The following PRKG1 variants were observed in gnomAD, a reference collection of about 807,000 sequenced individuals.
PRKG1 encodes cGMP-dependent protein kinase 1.
In PRKG1, 35 loss-of-function variants were observed where a neutral mutation model predicts 88.1. That is an observed-to-expected ratio of 0.40 (90% CI 0.30 to 0.53). The LOEUF is 0.53. PRKG1 is among the 20% of genes least tolerant of loss of function. The pLI is 0.59. For missense variants in PRKG1, 540 were observed against 839.8 expected (o/e 0.64, Z 4.41); for synonymous variants, 303 against 292.5 (o/e 1.04, Z -0.37).
At chr10:51,348,092 A>G (rs1842156448) in intron 2 of PRKG1, among the ~76,000 whole-genome samples, 1 of 152,076 alleles carries the variant, frequency 6.6e-6, no homozygotes, top group Non-Finnish European at 1.5e-5. Flanking sequence ...ACAAATGGCA[A>G]CAAAGTTTGG....
At chr10:51,797,325 T>TAA (rs1417859988) in intron 3 of PRKG1, among the ~76,000 whole-genome samples, 3 of 147,462 alleles carry the variant, frequency 2.0e-5, no homozygotes, top group East Asian at 2.0e-4. Context: ...CTTATATATA[T>TAA]AATGGTTAGG....
chr10:51,039,707 T>C (rs1391186977), intron 1 of PRKG1, among the ~76,000 whole-genome samples: 1 of 152,202 alleles, frequency 6.6e-6, no homozygotes, highest in East Asian at 1.9e-4. Context: ...CAATGTTTCT[T>C]TAGTAGTCAC....
At chr10:52,097,168 G>C (rs143958845) in intron 7 of PRKG1, among the ~76,000 whole-genome samples, 1 of 152,100 alleles carries the variant, frequency 6.6e-6, no homozygotes, top group East Asian at 1.9e-4. Context: ...TAGATCCAGG[G>C]GTCCCTCCCA....
At chr10:51,024,627 T>C (rs187038320) in intron 1 of PRKG1, among the ~76,000 whole-genome samples, 2 of 152,250 alleles carry the variant, frequency 1.3e-5, no homozygotes, top group East Asian at 3.9e-4. Context: ...GACTGGGTAA[T>C]TTATAAAGAA....
At chr10:51,713,019 A>T (rs1841799785) in intron 3 of PRKG1, among the ~76,000 whole-genome samples, 1 of 152,090 alleles carries the variant, frequency 6.6e-6, no homozygotes, top group African/African-American at 2.4e-5. Context: ...CAGTTAGGGT[A>T]ACTAATTTTC....
At chr10:52,288,267 G>C (rs1333833995) in intron 14 of PRKG1, among the ~76,000 whole-genome samples, 7 of 152,078 alleles carry the variant, frequency 4.6e-5, no homozygotes, top group Admixed American at 3.9e-4. Flanking sequence ...AAAGTGCTCG[G>C]CATTTCAGTG....
chr10:52,148,802 G>T (rs1426604343), intron 8 of PRKG1, among the ~76,000 whole-genome samples: 1 of 152,080 alleles, frequency 6.6e-6, no homozygotes, highest in Non-Finnish European at 1.5e-5. Context: ...TAGCAGAGTC[G>T]TGATAACTTT....
At chr10:51,307,778 T>C (rs1277373673) in intron 2 of PRKG1, among the ~76,000 whole-genome samples, 1 of 152,178 alleles carries the variant, frequency 6.6e-6, no homozygotes, top group Non-Finnish European at 1.5e-5. Flanking sequence ...TATAAAGTTT[T>C]ATGCTATACT....
At chr10:51,076,043 T>A (rs1306869036) in intron 1 of PRKG1, among the ~76,000 whole-genome samples, 1 of 152,252 alleles carries the variant, frequency 6.6e-6, no homozygotes, top group Non-Finnish European at 1.5e-5. Context: ...CTTCACTTCA[T>A]AAATACAACA....
At chr10:51,124,222 T>A (rs1027718212) in intron 1 of PRKG1, among the ~76,000 whole-genome samples, 5 of 152,184 alleles carry the variant, frequency 3.3e-5, no homozygotes, top group Non-Finnish European at 7.3e-5. Flanking sequence ...TTTTCTCTGA[T>A]TATCTTTTCT....
intron 9 of PRKG1, among the ~76,000 whole-genome samples, chr10:52,188,828 G>A (rs560948133): frequency 2.6e-5 from 4 of 152,192 alleles, no homozygotes; most frequent in South Asian, 2.1e-4. Context: ...ATCTAGTAAT[G>A]TACTGGTAGT....
intron 7 of PRKG1, among the ~76,000 whole-genome samples, chr10:52,127,504 C>A (rs1170226597): frequency 6.6e-6 from 1 of 152,104 alleles, no homozygotes; most frequent in Non-Finnish European, 1.5e-5. Flanking sequence ...GGGAAAACAC[C>A]TATCATCTAT....
intron 5 of PRKG1, among the ~76,000 whole-genome samples, chr10:52,015,724 A>G (rs1488905197): frequency 6.6e-6 from 1 of 152,238 alleles, no homozygotes; most frequent in Non-Finnish European, 1.5e-5. Context: ...TTGTAAATGC[A>G]TATGACTAAA....
intron 3 of PRKG1, among the ~76,000 whole-genome samples, chr10:51,768,023 AT>A (rs1455927571): frequency 6.7e-6 from 1 of 149,118 alleles, no homozygotes; most frequent in African/African-American, 2.5e-5. Flanking sequence ...AAAAAAATAA[AT>A]AAATAAAAAA....
At chr10:51,093,286 G>A (rs115804949) in intron 1 of PRKG1, among the ~76,000 whole-genome samples, 2,100 of 152,236 alleles carry the variant, frequency 0.014, 53 homozygotes, top group African/African-American at 0.048. Flanking sequence ...TGATTCTGAC[G>A]TGCCTTAAAA....
At chr10:51,094,752 T>C (rs1844489308) in intron 1 of PRKG1, among the ~76,000 whole-genome samples, 1 of 152,214 alleles carries the variant, frequency 6.6e-6, no homozygotes, top group African/African-American at 2.4e-5. Context: ...TGTGACCAAG[T>C]GAGTTTTCTG....
At chr10:51,630,019 G>C (rs913335182) in intron 3 of PRKG1, among the ~76,000 whole-genome samples, 1 of 152,152 alleles carries the variant, frequency 6.6e-6, no homozygotes, top group African/African-American at 2.4e-5. Flanking sequence ...ATTCTCCCCT[G>C]AAGTGACAGA....
intron 2 of PRKG1, among the ~76,000 whole-genome samples, chr10:51,302,041 G>A (rs1840902355): frequency 6.6e-6 from 1 of 152,144 alleles, no homozygotes. Flanking sequence ...TCAGAGTGCT[G>A]ATCAAATGGT....
intron 3 of PRKG1, among the ~76,000 whole-genome samples, chr10:51,692,710 A>C (rs915092761): frequency 1.3e-5 from 2 of 152,118 alleles, no homozygotes; most frequent in Admixed American, 6.5e-5. Context: ...TCCTGAACTC[A>C]AGTGATCCTT....
Sources: gnomAD v4.1 joint callset for allele counts (sites outside exome capture counted in the v4.1 genomes callset) on GRCh38, gnomAD v4.1.1 for gene constraint, MANE v1.5 for transcripts, NCBI Gene and HGNC (gene_info 2026-07-23, HGNC 2026-07-21) for gene names.